Variants in NDE1 observed in about 807,000 individuals in gnomAD.
The protein encoded by NDE1 is nuclear distribution protein nudE homolog 1.
NDE1 carries 28 observed loss-of-function variants against 43.4 expected under a neutral mutation model. That is an observed-to-expected ratio of 0.65 (90% CI 0.48 to 0.89). The LOEUF (loss-of-function observed/expected upper bound fraction) is 0.89. NDE1 is among the 40% of genes least tolerant of loss of function. The probability of loss-of-function intolerance (pLI) is 0.00; values close to 1 mark genes in which losing one functional copy is unlikely to be tolerated. For missense variants in NDE1, 441 were observed against 434.1 expected (o/e 1.02, Z -0.14); for synonymous variants, 184 against 172.0 (o/e 1.07, Z -0.55).
Position 15,719,676 on chromosome 16 carries a change from G to A in NDE1, c.948-4515G>A, listed in dbSNP as rs2040362704. 1 of 1,614,146 alleles carries A rather than the reference G, an allele frequency of 6.2e-7. No homozygotes were observed. Among genetic ancestry groups the A allele is most frequent in the Non-Finnish European group, 8.5e-7 (1 of 1,180,030 alleles). ...AAAGATCTCATCTCTGGAGGCACGG[G>A]CATCTTCCAGCTCTCTTTGAAAGTC... is the stretch of plus-strand genomic sequence containing the variant. On this transcript the variant is annotated intron_variant, in intron 8 of 8. Transcript: ENST00000396354.
intron 5 of NDE1, among the ~76,000 whole-genome samples, chr16:15,688,689 CTTTTTTT>C (rs1194565114): frequency 1.7e-3 from 100 of 59,990 alleles, no homozygotes; most frequent in Middle Eastern, 0.017. Context: ...TTGTTTTTAC[CTTTTTTT>C]TTTTTTTTTT....
chr16:15,691,035 T>C, intron 5 of NDE1, 109 bp from the exon 6 acceptor site: 7 of 1,347,616 alleles, frequency 5.2e-6, no homozygotes, highest in Non-Finnish European at 7.4e-6. Context: ...CTCGAACTCC[T>C]GACCTCAGGC....
chr16:15,674,845 C>T (rs557906108), intron 3 of NDE1, among the ~76,000 whole-genome samples: 172 of 152,160 alleles, frequency 1.1e-3, no homozygotes, highest in African/African-American at 3.9e-3. Context: ...CTAACTGGGA[C>T]TACAGGCGAC....
At chr16:15,702,570 C>A (rs1180587) in intron 8 of NDE1, among the ~76,000 whole-genome samples, 150,057 of 150,980 alleles carry the variant, frequency 0.99, 74,570 homozygotes, top group South Asian at 1. Flanking sequence ...ACAACAACAA[C>A]AAAAAAACAC....
At position 15,720,823 on chromosome 16, in the gene NDE1, C is replaced by A. The variant is rs189463893; in HGVS notation, c.948-3368C>A. The A allele has an allele frequency of 3.6e-4, 585 of 1,612,680 alleles. No individual in the cohort carries two copies. The highest frequency in any genetic ancestry group is 1.1e-3 in the Admixed American group (64 of 60,000). ...CCACCCGACCTCCCTCTGCTGGCCT[C>A]CCCGGCAGCACGCACCTGTCTCTGC... is the stretch of plus-strand genomic sequence containing the variant. On this transcript the variant is annotated intron_variant, in intron 8 of 8. Coordinates refer to ENST00000396354, the MANE Select transcript of NDE1 (RefSeq NM_017668.3).
In NDE1 at chr16:15,664,806, T is replaced by C. The variant is rs771089465; in HGVS notation, c.28T>C (p.Ser10Pro). The C allele has an allele frequency of 2.5e-6, 4 of 1,613,374 alleles. No homozygotes were observed. Among genetic ancestry groups the C allele is most frequent in the Non-Finnish European group, 3.4e-6 (4 of 1,179,722 alleles). MEDSGKTFS[S>P]EEEEANYWKD... The stretch of plus-strand genomic sequence containing the variant: ...GGAGGACTCCGGAAAGACTTTCAGC[T>C]CCGAGGAGGAAGAAGCTAACTATTG... Residue 10 changes from serine to proline, a missense_variant, in exon 2 of 9, where the codon TCC becomes CCC. Coordinates refer to ENST00000396354, the MANE Select transcript of NDE1 (RefSeq NM_017668.3).
rs138904791 is a variant in NDE1 at position 15,654,763 on chromosome 16, A to G, written c.-44+4469A>G. Among the ~76,000 whole-genome samples, 18 of 148,640 alleles carry G rather than the reference A, an allele frequency of 1.2e-4. No individual in the cohort carries two copies. The East Asian group carries it at 2.7e-3, about 23-fold the overall frequency. On this transcript the variant is annotated intron_variant, in intron 1 of 8. Coordinates refer to ENST00000396354, the MANE Select transcript of NDE1 (RefSeq NM_017668.3). The stretch of plus-strand genomic sequence containing the variant: ...GTTTGCCTCTGCTGCTCACATGCAC[A>G]TTTAGAGATGGCCAAGGCATACGGT...
chr16:15,696,901 C>T (rs778529764), intron 8 of NDE1, 41 bp downstream of exon 8: 4 of 1,605,078 alleles, frequency 2.5e-6, no homozygotes, highest in South Asian at 1.1e-5. Flanking sequence ...CGGGGAGAAC[C>T]CGCCTGCCCC....
intron 1 of NDE1, among the ~76,000 whole-genome samples, chr16:15,644,767 C>T (rs57421214): frequency 0.036 from 5,496 of 152,090 alleles, 200 homozygotes; most frequent in East Asian, 0.17. Flanking sequence ...GGTGTTTTTT[C>T]CCCATTTTAT....
At chr16:15,695,387 G>A (rs1012892637) in intron 7 of NDE1, 21 of 559,374 alleles carry the variant, frequency 3.8e-5, no homozygotes, top group African/African-American at 3.5e-4. Flanking sequence ...GGGCACCTGC[G>A]ATCCCAGCTA....
At chr16:15,680,994 AT>A (rs1195277583) in intron 4 of NDE1, among the ~76,000 whole-genome samples, 9 of 150,454 alleles carry the variant, frequency 6.0e-5, no homozygotes, top group African/African-American at 2.2e-4. Context: ...TGTATTTTTC[AT>A]TTTTAGGTCA....
In NDE1 at chr16:15,683,558, A is replaced by G. The variant is rs190782667; in HGVS notation, c.387-3817A>G. On this transcript the variant is annotated intron_variant, in intron 4 of 8. Coordinates refer to ENST00000396354, the MANE Select transcript of NDE1 (RefSeq NM_017668.3). ...AGATGGGGTTTCGCCATGTTAGCCA[A>G]GATGGTCTCGATCTCCTGACTTTGT... is the stretch of plus-strand genomic sequence containing the variant. Among the ~76,000 whole-genome samples, 649 of 151,904 alleles carry G rather than the reference A, an allele frequency of 4.3e-3. 8 individuals carry two copies. The highest frequency in any genetic ancestry group is 0.015 in the African/African-American group (604 of 41,426).
chr16:15,686,498 TATG>T (rs2038445752), intron 4 of NDE1: 1 of 985,386 alleles, frequency 1.0e-6, no homozygotes, highest in Non-Finnish European at 1.2e-6. Flanking sequence ...AGAGGTTAAA[TATG>T]ATCTCTTCCA....
chr16:15,676,318 TC>T (rs1293490292), intron 3 of NDE1, among the ~76,000 whole-genome samples: 1 of 147,142 alleles, frequency 6.8e-6, no homozygotes, highest in Non-Finnish European at 1.5e-5. Flanking sequence ...CAAGCGATTC[TC>T]CCGCGTCAGC....
intron 4 of NDE1, among the ~76,000 whole-genome samples, chr16:15,684,947 AG>A (rs1157017285): frequency 6.6e-6 from 1 of 152,216 alleles, no homozygotes. Context: ...TCTTTTACAG[AG>A]TTCCTCTGAT....
At chr16:15,706,994 T>A (rs2039491107) in intron 8 of NDE1, among the ~76,000 whole-genome samples, 1 of 152,152 alleles carries the variant, frequency 6.6e-6, no homozygotes. Flanking sequence ...TTACAGGAAC[T>A]AAGGGACCCC....
upstream of NDE1, chr16:15,650,192 G>C (rs1396128715): frequency 5.8e-6 from 1 of 172,396 alleles, no homozygotes. Flanking sequence ...GGCGCCGACC[G>C]CAGGCTCCGG....
chr16:15,656,426 C>T (rs1208751816), intron 1 of NDE1, among the ~76,000 whole-genome samples: 1 of 152,144 alleles, frequency 6.6e-6, no homozygotes, highest in Non-Finnish European at 1.5e-5. Flanking sequence ...AATAGACGCA[C>T]CTCCTAAAGC....
At chr16:15,661,943 CT>C (rs368835782) in intron 1 of NDE1, among the ~76,000 whole-genome samples, 1,556 of 149,716 alleles carry the variant, frequency 0.01, 32 homozygotes, top group African/African-American at 0.035. Context: ...TTCCTACTTT[CT>C]TTTTTTTTAG....
Sources: allele counts gnomAD v4.1 joint callset (sites outside exome capture counted in the v4.1 genomes callset), GRCh38; gene constraint gnomAD v4.1.1; transcripts MANE v1.5; gene names NCBI Gene and HGNC (gene_info 2026-07-23, HGNC 2026-07-21).